Variants in KRAS observed in about 807,000 individuals in gnomAD.
KRAS encodes GTPase KRas.
In KRAS, 1 loss-of-function variant was observed where a neutral mutation model predicts 21.0. The observed-to-expected ratio is 0.05, with a 90% CI of 0.02 to 0.23. The LOEUF (loss-of-function observed/expected upper bound fraction) is 0.23. Ranked by LOEUF, KRAS falls within the 10% of genes least tolerant of loss-of-function variation. KRAS has a pLI of 1.00. For missense variants in KRAS, 107 were observed against 221.8 expected (o/e 0.48, Z 3.29); for synonymous variants, 67 against 72.5 (o/e 0.92, Z 0.39).
Position 25,207,805 on chromosome 12 carries a change from G to GTA in KRAS, c.*1988_*1989dup. 4.3e-6 allele frequency: 1 copy of GTA among 233,034 alleles called. No individual in the cohort carries two copies. The highest frequency in any genetic ancestry group is 8.5e-6 in the Non-Finnish European group (1 of 117,914). The allele number at this position is 233,034 out of a possible 1,614,324, so 14.4% of individuals were successfully genotyped here. On this transcript the variant is annotated 3_prime_UTR_variant, in exon 5 of 5. Transcript: ENST00000311936. ...AGTGATTAGGTCAAATCCCTTTATGGTATCTGTCAGATTCTCTTGAGCCCT... is the reference window on the plus strand; with the variant it reads ...AGTGATTAGGTCAAATCCCTTTATGGTATATCTGTCAGATTCTCTTGAGCCCT...
chr12:25,227,705 A>G (rs1285582883), intron 2 of KRAS, among the ~76,000 whole-genome samples: 1 of 152,194 alleles, frequency 6.6e-6, no homozygotes, highest in Non-Finnish European at 1.5e-5. Flanking sequence ...ATGGAAAATA[A>G]GTGTTAGCAA....
At chr12:25,237,510 G>C (rs572188156) in intron 2 of KRAS, among the ~76,000 whole-genome samples, 8 of 152,144 alleles carry the variant, frequency 5.3e-5, no homozygotes, top group Admixed American at 3.3e-4. Context: ...TGTCCTGGTG[G>C]ATATGACCTG....
chr12:25,207,254 G>A lies in KRAS; in HGVS notation c.*2541C>T. ...CAATAAATATTTGCTGAATAAATGA[G>A]TTCTGCAAAACAGGTTTATGAGGCC... On this transcript the variant is annotated 3_prime_UTR_variant, in exon 5 of 5. Transcript: ENST00000311936. 5.0e-6 allele frequency: 1 copy of A among 201,670 alleles called. No individual in the cohort carries two copies. 12.5% of individuals were successfully genotyped at this position (201,670 alleles called of 1,614,324 possible).
In KRAS at chr12:25,222,160, A is replaced by C. The variant is rs996738360; in HGVS notation, c.450+3454T>G. 2.1e-5 allele frequency among the ~76,000 whole-genome samples: 3 copies of C among 142,718 alleles called. No individual in the cohort carries two copies. The Admixed American group carries it at 2.2e-4, about 11-fold the overall frequency. The allele number at this position is 142,718 out of a possible 152,430, so 93.6% of individuals were successfully genotyped here. A position where few individuals can be genotyped will look rare whatever the true frequency, so the allele number is the denominator to read the frequency against. ...CAAGACTCCGTCTCAAAAAAAAAAAACAAGAAAGAAAGAAAAATAAATAAA... is the reference window on the plus strand; with the variant it reads ...CAAGACTCCGTCTCAAAAAAAAAAACCAAGAAAGAAAGAAAAATAAATAAA... On this transcript the variant is annotated intron_variant, in intron 4 of 4. Transcript: ENST00000311936.
chr12:25,231,092 C>CTTTT (rs34361223), intron 2 of KRAS, among the ~76,000 whole-genome samples: 7 of 66,392 alleles, frequency 1.1e-4, no homozygotes, highest in African/African-American at 2.3e-4. Context: ...ACCTCACATT[C>CTTTT]TTTTTTTTTT....
At chr12:25,250,489 A>G (rs1951752139) in intron 1 of KRAS, among the ~76,000 whole-genome samples, 3 of 152,030 alleles carry the variant, frequency 2.0e-5, no homozygotes, top group Admixed American at 2.0e-4. Context: ...TTCCCCGTCC[A>G]GGAAGCAGCA....
rs532360785 is a variant in KRAS, at chr12:25,215,405, T to C, written c.451-5494A>G. 4.8e-5 allele frequency: 78 copies of C among 1,612,378 alleles called. No homozygotes were observed. In the East Asian group the frequency reaches 1.5e-3, roughly 30 times the overall value. On this transcript the variant is annotated intron_variant, in intron 4 of 4. Transcript: ENST00000311936. ...TTACCTTTAAAAGACATCTGCTTTC[T>C]GCCAAAATTAATGTGCTGAACTTAA...
At chr12:25,231,318 C>T (rs1164103996) in intron 2 of KRAS, among the ~76,000 whole-genome samples, 1 of 151,918 alleles carries the variant, frequency 6.6e-6, no homozygotes, top group African/African-American at 2.4e-5. Context: ...AACTCCTGAC[C>T]TCAGGTGATC....
chr12:25,236,163 C>T (rs914972621), intron 2 of KRAS, among the ~76,000 whole-genome samples: 18 of 151,980 alleles, frequency 1.2e-4, no homozygotes, highest in African/African-American at 4.3e-4. Flanking sequence ...GACAATCAAG[C>T]AGGGGCCAGC....
rs934481692 is a variant in KRAS, at chr12:25,206,370, A to G, written c.*3425T>C. On this transcript the variant is annotated 3_prime_UTR_variant, in exon 5 of 5. Coordinates refer to ENST00000311936, the MANE Select transcript of KRAS (RefSeq NM_004985.5). Reference sequence around the variant, plus strand: ...TCTTCCACAAACATGTTAATGCCTAAGTCTATGTAATTTAGCTTTTTTTAA... The same window carrying G: ...TCTTCCACAAACATGTTAATGCCTAGGTCTATGTAATTTAGCTTTTTTTAA... 2.4e-5 allele frequency: 5 copies of G among 206,352 alleles called. No individual in the cohort carries two copies. The Admixed American group carries it at 3.0e-4, about 12-fold the overall frequency. The allele number at this position is 206,352 out of a possible 1,614,324, so 12.8% of individuals were successfully genotyped here. A position where few individuals can be genotyped will look rare whatever the true frequency, so the allele number is the denominator to read the frequency against.
intron 4 of KRAS, chr12:25,215,366 T>A: frequency 1.2e-6 from 2 of 1,601,140 alleles, no homozygotes; most frequent in South Asian, 1.1e-5. Context: ...AGTTCTAAAG[T>A]GGTTGCCACC....
At chr12:25,209,960 T>A (rs1376297881) in intron 4 of KRAS, 49 bp from the exon 5 acceptor site, 1 of 1,400,120 alleles carries the variant, frequency 7.1e-7, no homozygotes, top group South Asian at 1.3e-5. Flanking sequence ...GATGGCTTCA[T>A]GTGTACAGGT....
intron 4 of KRAS, chr12:25,215,564 C>T (rs2141489268): frequency 6.2e-7 from 1 of 1,606,488 alleles, no homozygotes; most frequent in Non-Finnish European, 8.5e-7. Context: ...CCACTCTCTG[C>T]ATTGTAAAAC....
chr12:25,250,608 A>C, intron 1 of KRAS, 143 bp downstream of exon 1: 1 of 160,172 alleles, frequency 6.2e-6, no homozygotes, highest in East Asian at 1.3e-4. Flanking sequence ...CCTCTCACCC[A>C]GCCCGCCCCG....
chr12:25,226,858 G>A (rs533676622), intron 3 of KRAS, among the ~76,000 whole-genome samples: 1 of 152,106 alleles, frequency 6.6e-6, no homozygotes, highest in Admixed American at 6.5e-5. Context: ...ACACACGATT[G>A]CTTTTAAGAC....
chr12:25,208,012 G>A lies in KRAS; in HGVS notation c.*1783C>T, dbSNP rs1156837402. On this transcript the variant is annotated 3_prime_UTR_variant, in exon 5 of 5. Coordinates refer to ENST00000311936, the MANE Select transcript of KRAS (RefSeq NM_004985.5). ...TAATATGGAAGAAGAGTCCTAAAAC[G>A]AGAATGGATATTCAAATATAAACTT... 2 of 233,226 alleles carry A rather than the reference G, an allele frequency of 8.6e-6. No individual in the cohort carries two copies. The highest frequency in any genetic ancestry group is 6.0e-5 in the East Asian group (1 of 16,568). The allele number at this position is 233,226 out of a possible 1,614,324, so 14.4% of individuals were successfully genotyped here. A position where few individuals can be genotyped will look rare whatever the true frequency, so the allele number is the denominator to read the frequency against.
At chr12:25,232,972 T>C (rs1437515484) in intron 2 of KRAS, among the ~76,000 whole-genome samples, 1 of 152,192 alleles carries the variant, frequency 6.6e-6, no homozygotes, top group Non-Finnish European at 1.5e-5. Context: ...ATATGTGGTT[T>C]TTTTTTAAAT....
At chr12:25,228,844 A>C (rs1387635746) in intron 2 of KRAS, among the ~76,000 whole-genome samples, 2 of 152,208 alleles carry the variant, frequency 1.3e-5, no homozygotes, top group African/African-American at 4.8e-5. Flanking sequence ...GCGGATCATG[A>C]GGTCAGGAGA....
intron 2 of KRAS, among the ~76,000 whole-genome samples, chr12:25,228,587 T>G (rs752824081): frequency 6.6e-6 from 1 of 151,948 alleles, no homozygotes; most frequent in African/African-American, 2.4e-5. Flanking sequence ...AAAAGTAGAC[T>G]ACAGATTACC....
Sources: allele counts gnomAD v4.1 joint callset (sites outside exome capture counted in the v4.1 genomes callset), GRCh38; gene constraint gnomAD v4.1.1; transcripts MANE v1.5; gene names NCBI Gene and HGNC (gene_info 2026-07-23, HGNC 2026-07-21).